IGDCC4: variants seen among roughly 807,000 people sequenced by gnomAD.
IGDCC4 encodes likely ortholog of mouse neighbor of Punc E11.
A neutral mutation model predicts 116.6 loss-of-function variants in IGDCC4; 72 were observed. That is an observed-to-expected ratio of 0.62 (90% CI 0.51 to 0.75). The LOEUF (loss-of-function observed/expected upper bound fraction) is 0.75. Ranked by LOEUF, IGDCC4 falls within the 30% of genes least tolerant of loss-of-function variation. The pLI, the probability that IGDCC4 is intolerant of heterozygous loss-of-function variation, is 0.00. For synonymous variants in IGDCC4, 709 were observed against 719.9 expected, an observed-to-expected ratio of 0.98 and a Z score of 0.24; for missense variants, 1,501 against 1,662.4, an observed-to-expected ratio of 0.90 and a Z score of 1.69.
chr15:65,394,396 C>T lies in IGDCC4; in HGVS notation c.1714+15G>A, dbSNP rs969522989. ...CATTCCCATACATGCCTGCAGCCCACCCACCCCCACTCACCTTCCTTTCCC... is the reference window on the plus strand; with the variant it reads ...CATTCCCATACATGCCTGCAGCCCATCCACCCCCACTCACCTTCCTTTCCC... On this transcript the variant is annotated intron_variant, in intron 9 of 19. Transcript: ENST00000352385. 6.2e-7 allele frequency: 1 copy of T among 1,613,442 alleles called. No homozygotes were observed. Among genetic ancestry groups the T allele is most frequent in the African/African-American group, 1.3e-5 (1 of 74,896 alleles).
chr15:65,396,222 C>A (rs766583854), intron 6 of IGDCC4, 59 bp from the exon 7 acceptor site: 49 of 1,294,566 alleles, frequency 3.8e-5, no homozygotes, highest in South Asian at 1.7e-4. Context: ...CTCTGCCCCC[C>A]CCCCAGTACC....
In IGDCC4 at chr15:65,383,469, CTA is replaced by C. The variant is rs2091420997; in HGVS notation, c.*538_*539del. 1 of 152,382 alleles carries C rather than the reference CTA, an allele frequency of 6.6e-6. No homozygotes were observed. The highest frequency in any genetic ancestry group is 1.5e-5 in the Non-Finnish European group (1 of 68,190). The allele number at this position is 152,382 out of a possible 1,614,324, so 9.4% of individuals were successfully genotyped here. A position where few individuals can be genotyped will look rare whatever the true frequency, so the allele number is the denominator to read the frequency against. On this transcript the variant is annotated 3_prime_UTR_variant, in exon 20 of 20. Coordinates refer to ENST00000352385, the MANE Select transcript of IGDCC4 (RefSeq NM_020962.3). Reference sequence around the variant, plus strand: ...CGGAGGGGAGCCAGGGCCACCCTCTCTATTTGGGCAATAAGGAGCTGGGAGGT... The same window carrying C: ...CGGAGGGGAGCCAGGGCCACCCTCTCTTTGGGCAATAAGGAGCTGGGAGGT...
intron 2 of IGDCC4, 25 bp from the exon 3 acceptor site, chr15:65,410,344 G>C: frequency 1.2e-6 from 2 of 1,613,420 alleles, no homozygotes; most frequent in Non-Finnish European, 1.7e-6. Flanking sequence ...ACACAGGCAG[G>C]GACGGGAAAA....
chr15:65,395,034 T>C, intron 8 of IGDCC4, 60 bp downstream of exon 8: 1 of 1,525,650 alleles, frequency 6.6e-7, no homozygotes, highest in Non-Finnish European at 8.9e-7. Context: ...GAGGGTGAGC[T>C]CCCCTCCCCA....
intron 5 of IGDCC4, among the ~76,000 whole-genome samples, chr15:65,399,391 G>T (rs939070976): frequency 1.4e-5 from 2 of 142,770 alleles, no homozygotes; most frequent in East Asian, 2.1e-4. Flanking sequence ...GCCGGCAAAA[G>T]TTGGAGGCTG....
intron 1 of IGDCC4, among the ~76,000 whole-genome samples, chr15:65,417,452 T>G (rs2063154931): frequency 6.6e-6 from 1 of 152,150 alleles, no homozygotes; most frequent in African/African-American, 2.4e-5. Flanking sequence ...CATGGCCAAT[T>G]CTCTGAAAAC....
chr15:65,393,217 G>A lies in IGDCC4; in HGVS notation c.1885+144C>T, dbSNP rs2062883887. The stretch of plus-strand genomic sequence containing the variant: ...CCCAGCCCTTCACCTCTGCACCTAA[G>A]CCTCACTCACCCATCAAGCGGAGGG... On this transcript the variant is annotated intron_variant, in intron 10 of 19. Transcript: ENST00000352385. The surrounding 1 kb of genome is among the most constrained non-coding windows in gnomAD (Gnocchi z 4.6). 3 of 861,562 alleles carry A rather than the reference G, an allele frequency of 3.5e-6. No individual in the cohort carries two copies. The highest frequency in any genetic ancestry group is 2.2e-5 in the South Asian group (1 of 45,254). The allele number at this position is 861,562 out of a possible 1,614,324, so 53.4% of individuals were successfully genotyped here. A position where few individuals can be genotyped will look rare whatever the true frequency, so the allele number is the denominator to read the frequency against.
intron 3 of IGDCC4, among the ~76,000 whole-genome samples, chr15:65,405,819 A>T (rs2063036234): frequency 6.6e-6 from 1 of 152,264 alleles, no homozygotes; most frequent in African/African-American, 2.4e-5. Context: ...AATGAAAAAC[A>T]ATCTCAACTC....
chr15:65,422,865 G>T lies in IGDCC4; in HGVS notation c.-3C>A. 8.7e-7 allele frequency: 1 copy of T among 1,147,162 alleles called. No individual in the cohort carries two copies. Among genetic ancestry groups the T allele is most frequent in the Non-Finnish European group, 1.1e-6 (1 of 932,844 alleles). The allele number at this position is 1,147,162 out of a possible 1,614,324, so 71.1% of individuals were successfully genotyped here. ...CGGCCGGCGTCCCCCCGCGCCATGG[G>T]GCTGGGCTCGGGCCGCCGCCGCCGC... On this transcript the variant is annotated 5_prime_UTR_variant, in exon 1 of 20. Coordinates refer to ENST00000352385, the MANE Select transcript of IGDCC4 (RefSeq NM_020962.3).
intron 3 of IGDCC4, 28 bp from the exon 4 acceptor site, chr15:65,402,515 G>T: frequency 6.4e-7 from 1 of 1,559,550 alleles, no homozygotes; most frequent in Non-Finnish European, 8.7e-7. Context: ...AGGCAACTGT[G>T]AGGTGGGCAG....
At chr15:65,412,587 C>CTGG (rs1327846629) in intron 1 of IGDCC4, among the ~76,000 whole-genome samples, 1 of 150,444 alleles carries the variant, frequency 6.6e-6, no homozygotes, top group Non-Finnish European at 1.5e-5. Flanking sequence ...ATTCCCTACC[C>CTGG]TGGAACCTAA....
intron 4 of IGDCC4, among the ~76,000 whole-genome samples, chr15:65,401,480 A>T (rs546574314): frequency 4.7e-4 from 71 of 152,274 alleles, no homozygotes; most frequent in Admixed American, 8.5e-4. Flanking sequence ...TGGAGTGGTG[A>T]ATATCTGGAT....
chr15:65,405,725 CT>C (rs1168795520), intron 3 of IGDCC4, among the ~76,000 whole-genome samples: 2 of 152,166 alleles, frequency 1.3e-5, no homozygotes, highest in African/African-American at 2.4e-5. Context: ...CAGTAGGTGA[CT>C]TTTTTCCCCT....
chr15:65,389,714 C>G (rs754606123), intron 13 of IGDCC4, among the ~76,000 whole-genome samples: 2 of 152,216 alleles, frequency 1.3e-5, no homozygotes, highest in South Asian at 2.1e-4. Flanking sequence ...CTTAATTTTG[C>G]CTTCATGGCA....
rs1477049531 is a variant in IGDCC4, at chr15:65,391,882, G to C, written c.2222C>G (p.Pro741Arg). 1 of 1,613,250 alleles carries C rather than the reference G, an allele frequency of 6.2e-7. No individual in the cohort carries two copies. Among genetic ancestry groups the C allele is most frequent in the South Asian group, 1.1e-5 (1 of 91,046 alleles). Reference protein sequence around the residue: ...WKGKTEKAPAPDMPIQRGPPL... With the variant: ...WKGKTEKAPARDMPIQRGPPL... Reference sequence around the variant, plus strand: ...CCTTCTTCCCCCACCGCCCTCACCTGGTGCCGGCGCCTTCTCCGTCTTGCC... The same window carrying C: ...CCTTCTTCCCCCACCGCCCTCACCTCGTGCCGGCGCCTTCTCCGTCTTGCC... Residue 741 changes from proline to arginine, a missense_variant and splice_region_variant, in exon 12 of 20, where the codon CCA becomes CGA. Coordinates refer to ENST00000352385, the MANE Select transcript of IGDCC4 (RefSeq NM_020962.3).
At chr15:65,421,421 C>T (rs1334565902) in intron 1 of IGDCC4, among the ~76,000 whole-genome samples, 1 of 152,212 alleles carries the variant, frequency 6.6e-6, no homozygotes, top group Non-Finnish European at 1.5e-5. Flanking sequence ...GCCTCCAGCT[C>T]CTCTGGCCCA....
chr15:65,418,926 A>G (rs973817061), intron 1 of IGDCC4, among the ~76,000 whole-genome samples: 2 of 152,168 alleles, frequency 1.3e-5, no homozygotes, highest in African/African-American at 4.8e-5. Flanking sequence ...GAGGAGTGCA[A>G]AGAGAGTGAA....
At chr15:65,395,542 T>A (rs552157434) in intron 7 of IGDCC4, among the ~76,000 whole-genome samples, 3 of 152,262 alleles carry the variant, frequency 2.0e-5, no homozygotes, top group Admixed American at 1.3e-4. Flanking sequence ...TCAACAAACA[T>A]GACTGAGGGA....
rs767219654 is a variant in IGDCC4, at chr15:65,400,869, T to G, written c.778A>C (p.Ser260Arg). The G allele has an allele frequency of 6.2e-7, 1 of 1,613,760 alleles. No individual in the cohort carries two copies. Among genetic ancestry groups the G allele is most frequent in the South Asian group, 1.1e-5 (1 of 91,054 alleles). Residue 260 changes from serine to arginine, a missense_variant, in exon 5 of 20, where the codon AGT (serine) becomes CGT (arginine). By Grantham distance (110) the Ser-to-Arg change is moderately radical (BLOSUM62 -1). Around this residue, in one of 3 missense-constraint regions of IGDCC4, gnomAD observed 898 missense variants for 978.9 expected, o/e 0.92. Transcript: ENST00000352385. ...GAGGCCACACATTCCATCACCACAC[T>G]CTGGCCAGACACCACTGTGGTGTTC... ...PENTTVVSGQSVVMECVASAD... is the reference protein window; with the variant it reads ...PENTTVVSGQRVVMECVASAD...
Sources: allele counts gnomAD v4.1 joint callset (sites outside exome capture counted in the v4.1 genomes callset), GRCh38; gene constraint gnomAD v4.1.1; regional missense constraint gnomAD v4.1.1; non-coding constraint Gnocchi (gnomAD v3.1); transcripts MANE v1.5; gene names NCBI Gene and HGNC (gene_info 2026-07-23, HGNC 2026-07-21).